The following ADGRV1 variants were observed in gnomAD, a reference collection of about 807,000 sequenced individuals.
The protein encoded by ADGRV1 is G-protein coupled receptor 98.
Under a neutral mutation model 596.2 loss-of-function variants are expected in ADGRV1, and 359 were observed. That is an observed-to-expected ratio of 0.60 (90% CI 0.55 to 0.66). ADGRV1 has a LOEUF of 0.66. Ranked by LOEUF, ADGRV1 falls within the 30% of genes least tolerant of loss-of-function variation. ADGRV1 has a pLI of 0.00. For synonymous variants in ADGRV1, 2,681 were observed against 2,679.2 expected (o/e 1.00, Z -0.02); for missense variants, 7,274 against 7,575.6 (o/e 0.96, Z 1.48).
At chr5:90,986,107 T>A (rs570059012) in intron 85 of ADGRV1, among the ~76,000 whole-genome samples, 11 of 139,416 alleles carry the variant, frequency 7.9e-5, no homozygotes, top group East Asian at 2.0e-4. Context: ...ATATATATAT[T>A]ATGCATATAT....
chr5:90,811,168 T>C lies in ADGRV1; in HGVS notation c.15908T>C (p.Phe5303Ser), dbSNP rs2150230946. 1 of 1,613,838 alleles carries C rather than the reference T, an allele frequency of 6.2e-7. No homozygotes were observed. The highest frequency in any genetic ancestry group is 2.2e-5 in the East Asian group (1 of 44,886). The part of the protein sequence containing the change: ...DFEEQTLTLI[F>S]LDGERERKVS... Reference sequence around the variant, plus strand: ...GAAGAACAAACTCTTACCCTTATATTCCTAGATGGAGAAAGAGAACGTAAA... The same window carrying C: ...GAAGAACAAACTCTTACCCTTATATCCCTAGATGGAGAAAGAGAACGTAAA... The change falls in exon 74 of 90, where the codon TTC becomes TCC. Residue 5303 changes from phenylalanine (F) to serine (S), a missense_variant. Physicochemically the swap from Phe to Ser is radical, Grantham distance 155. Transcript: ENST00000405460.
intron 71 of ADGRV1, among the ~76,000 whole-genome samples, chr5:90,803,640 C>T (rs1761615983): frequency 6.6e-6 from 1 of 152,104 alleles, no homozygotes; most frequent in African/African-American, 2.4e-5. Context: ...CAGCTACTCC[C>T]GCCTGAGCAT....
intron 34 of ADGRV1, among the ~76,000 whole-genome samples, chr5:90,699,995 G>A (rs1055226391): frequency 1.3e-5 from 2 of 152,006 alleles, no homozygotes; most frequent in African/African-American, 4.8e-5. Context: ...CATAAAAGTT[G>A]GAGTCAATTT....
intron 84 of ADGRV1, among the ~76,000 whole-genome samples, chr5:90,972,554 A>T (rs1779147758): frequency 1.3e-5 from 2 of 152,254 alleles, no homozygotes. Context: ...AAACTCACTC[A>T]AAAGCGCTCA....
intron 83 of ADGRV1, among the ~76,000 whole-genome samples, chr5:90,961,604 C>T (rs1384550655): frequency 6.6e-6 from 1 of 150,622 alleles, no homozygotes; most frequent in Non-Finnish European, 1.5e-5. Context: ...TTAAGGAGCA[C>T]TGAGAATTGA....
At chr5:90,827,114 G>C (rs1764137052) in intron 76 of ADGRV1, among the ~76,000 whole-genome samples, 1 of 151,986 alleles carries the variant, frequency 6.6e-6, no homozygotes, top group African/African-American at 2.4e-5. Flanking sequence ...TTGTTACTTT[G>C]GTTTTTCTAT....
At chr5:90,628,459 T>C (rs1192439901) in intron 7 of ADGRV1, 103 bp from the exon 8 acceptor site, 1 of 908,274 alleles carries the variant, frequency 1.1e-6, no homozygotes, top group Non-Finnish European at 1.7e-6. Flanking sequence ...GTATAGATTC[T>C]GTTTTTATCA....
intron 85 of ADGRV1, among the ~76,000 whole-genome samples, chr5:91,045,877 C>T (rs900318542): frequency 1.3e-5 from 2 of 152,120 alleles, no homozygotes; most frequent in African/African-American, 4.8e-5. Flanking sequence ...TATACACCAA[C>T]AGCGACCAAG....
chr5:90,580,543 T>G (rs1757879737), intron 1 of ADGRV1, among the ~76,000 whole-genome samples: 1 of 152,074 alleles, frequency 6.6e-6, no homozygotes, highest in African/African-American at 2.4e-5. Flanking sequence ...CTCCTTCACT[T>G]AGTTTGGCTG....
At chr5:90,609,029 A>G (rs1043195672) in intron 1 of ADGRV1, among the ~76,000 whole-genome samples, 1 of 152,176 alleles carries the variant, frequency 6.6e-6, no homozygotes, top group Non-Finnish European at 1.5e-5. Flanking sequence ...TCCCAACAGG[A>G]AAGTCTACAT....
intron 1 of ADGRV1, among the ~76,000 whole-genome samples, chr5:90,577,235 T>G (rs1757347186): frequency 6.6e-6 from 1 of 152,182 alleles, no homozygotes; most frequent in Non-Finnish European, 1.5e-5. Context: ...TCTTCTAGGG[T>G]TTTTATGGTT....
At chr5:90,785,088 C>T (rs919545238) in intron 67 of ADGRV1, among the ~76,000 whole-genome samples, 9 of 152,090 alleles carry the variant, frequency 5.9e-5, no homozygotes, top group African/African-American at 2.2e-4. Context: ...ACCAATGGAA[C>T]AGAACAGAGG....
At chr5:90,619,957 T>C (rs1382001858) in intron 4 of ADGRV1, among the ~76,000 whole-genome samples, 1 of 152,084 alleles carries the variant, frequency 6.6e-6, no homozygotes, top group East Asian at 1.9e-4. Flanking sequence ...CTGCATAGTA[T>C]TCCATGGTGT....
intron 83 of ADGRV1, among the ~76,000 whole-genome samples, chr5:90,934,674 T>G (rs1357927342): frequency 6.6e-6 from 1 of 152,222 alleles, no homozygotes; most frequent in Non-Finnish European, 1.5e-5. Context: ...AGGTGTTTTG[T>G]TTTTGTCTCA....
intron 85 of ADGRV1, among the ~76,000 whole-genome samples, chr5:90,994,058 T>C (rs1469199315): frequency 6.6e-6 from 1 of 151,212 alleles, no homozygotes; most frequent in East Asian, 1.9e-4. Context: ...TACTTTTCTT[T>C]TCTTTTTTTT....
chr5:90,956,955 A>G (rs1229422199), intron 83 of ADGRV1, among the ~76,000 whole-genome samples: 2 of 152,186 alleles, frequency 1.3e-5, no homozygotes, highest in Non-Finnish European at 2.9e-5. Context: ...ATTCCTGACA[A>G]TTAAATATTC....
rs370672818 is a variant in ADGRV1, at chr5:90,993,978, ATT to A, written c.18152+8467_18152+8468del. 2.8e-3 allele frequency among the ~76,000 whole-genome samples: 401 copies of A among 140,778 alleles called. 2 individuals carry two copies. Among genetic ancestry groups the A allele is most frequent in the African/African-American group, 9.8e-3 (371 of 38,038 alleles). 92.4% of individuals were successfully genotyped at this position (140,778 alleles called of 152,430 possible). A position where few individuals can be genotyped will look rare whatever the true frequency, so the allele number is the denominator to read the frequency against. On this transcript the variant is annotated intron_variant, in intron 85 of 89. Transcript: ENST00000405460. Reference sequence around the variant, plus strand: ...AATTGACCTGTCTTCACATTTACCAATTTTTTTTTTTTCTTCCTGGTTATACC... The same window carrying A: ...AATTGACCTGTCTTCACATTTACCAATTTTTTTTTTCTTCCTGGTTATACC...
Position 90,793,870 on chromosome 5 carries a change from G to A in ADGRV1, c.14517+2524G>A, listed in dbSNP as rs374327848. ...ATCTCTTTTTAACCTATTTCAAGTT[G>A]CACAGCTTCCTTCTCTCTGGCACAT... On this transcript the variant is annotated intron_variant, in intron 70 of 89. Coordinates refer to ENST00000405460, the MANE Select transcript of ADGRV1 (RefSeq NM_032119.4). Among the ~76,000 whole-genome samples the A allele has an allele frequency of 5.9e-5, 9 of 152,146 alleles. No homozygotes were observed. In the East Asian group the frequency reaches 7.7e-4, roughly 13 times the overall value.
At chr5:90,629,739 A>G (rs1000432909) in intron 9 of ADGRV1, 200 bp downstream of exon 9, 2 of 431,176 alleles carry the variant, frequency 4.6e-6, no homozygotes, top group African/African-American at 4.0e-5. Context: ...AAGAATTTTT[A>G]CCAAAGTTAA....
Sources: gnomAD v4.1 joint callset for allele counts (sites outside exome capture counted in the v4.1 genomes callset) on GRCh38, gnomAD v4.1.1 for gene constraint, MANE v1.5 for transcripts, NCBI Gene and HGNC (gene_info 2026-07-23, HGNC 2026-07-21) for gene names.